SIPA1L3: variants seen among roughly 807,000 people sequenced by gnomAD.
SIPA1L3 encodes signal-induced proliferation-associated 1-like protein 3.
In SIPA1L3, 59 loss-of-function variants were observed where a neutral mutation model predicts 150.1. The ratio of observed to expected loss-of-function variants is 0.39; its 90% CI spans 0.32 to 0.49. The LOEUF (loss-of-function observed/expected upper bound fraction) is 0.49. SIPA1L3 is among the 20% of genes least tolerant of loss of function. The pLI, the probability that SIPA1L3 is intolerant of heterozygous loss-of-function variation, is 0.86. For synonymous variants in SIPA1L3, 1,070 were observed against 1,077.6 expected, an observed-to-expected ratio of 0.99 and a Z score of 0.14; for missense variants, 2,211 against 2,489.5, an observed-to-expected ratio of 0.89 and a Z score of 2.38.
rs760810116 is a variant in SIPA1L3 at position 38,141,346 on chromosome 19, C to G, written c.3306C>G (p.Thr1102=). 6.2e-7 allele frequency: 1 copy of G among 1,614,016 alleles called. No individual in the cohort carries two copies. Among genetic ancestry groups the G allele is most frequent in the South Asian group, 1.1e-5 (1 of 91,086 alleles). The part of the protein sequence containing the change: ...SLPASKWATP[T]TPGHAQSLSR... The stretch of plus-strand genomic sequence containing the variant: ...CAGCCTCCAAGTGGGCCACTCCAAC[C>G]ACTCCCGGCCATGCCCAGTCCCTGA... Residue 1102 remains threonine, a synonymous_variant, in exon 11 of 22, where the codon ACC becomes ACG. Transcript: ENST00000222345.
intron 1 of SIPA1L3, among the ~76,000 whole-genome samples, chr19:37,970,044 A>C (rs542504063): frequency 2.3e-3 from 356 of 152,336 alleles, no homozygotes; most frequent in Non-Finnish European, 4.4e-3. Flanking sequence ...CTAGGTGTGC[A>C]AAACAAAACA....
At chr19:38,100,361 C>T (rs1422322132) in intron 5 of SIPA1L3, among the ~76,000 whole-genome samples, 1 of 152,186 alleles carries the variant, frequency 6.6e-6, no homozygotes, top group Non-Finnish European at 1.5e-5. Context: ...GGGAGATTGT[C>T]TGGGGGTGAG....
chr19:38,205,964 C>T (rs1973200598), intron 21 of SIPA1L3, 133 bp from the exon 22 acceptor site: 1 of 1,053,816 alleles, frequency 9.5e-7, no homozygotes, highest in Admixed American at 3.1e-5. Flanking sequence ...GGATGTGTGC[C>T]CCGGCCTGGC....
intron 12 of SIPA1L3, among the ~76,000 whole-genome samples, chr19:38,145,994 C>G (rs1971697247): frequency 6.6e-6 from 1 of 152,118 alleles, no homozygotes; most frequent in Non-Finnish European, 1.5e-5. Context: ...TTGCAATTAG[C>G]TAGGACTGCA....
At chr19:38,132,368 A>G (rs1205616471) in intron 10 of SIPA1L3, among the ~76,000 whole-genome samples, 4 of 151,754 alleles carry the variant, frequency 2.6e-5, no homozygotes, top group Non-Finnish European at 4.4e-5. Context: ...ACCAGCCTGA[A>G]CCAGGCTGGA....
At chr19:38,008,063 G>A (rs1007181185) in intron 1 of SIPA1L3, among the ~76,000 whole-genome samples, 3 of 152,016 alleles carry the variant, frequency 2.0e-5, no homozygotes, top group African/African-American at 7.2e-5. Context: ...ATGTGAGTGC[G>A]TCTGAAGACT....
At chr19:38,171,038 T>C (rs1480403049) in intron 15 of SIPA1L3, among the ~76,000 whole-genome samples, 1 of 152,148 alleles carries the variant, frequency 6.6e-6, no homozygotes, top group African/African-American at 2.4e-5. Flanking sequence ...ACTATGTATA[T>C]ATACACACAT....
At chr19:37,910,573 G>T (rs1441084369) in intron 1 of SIPA1L3, among the ~76,000 whole-genome samples, 1 of 151,466 alleles carries the variant, frequency 6.6e-6, no homozygotes, top group Admixed American at 6.6e-5. Flanking sequence ...GTACCAGTTT[G>T]TGCATTTGTG....
At chr19:38,178,437 T>G (rs539471266) in intron 15 of SIPA1L3, among the ~76,000 whole-genome samples, 2 of 152,018 alleles carry the variant, frequency 1.3e-5, no homozygotes, top group East Asian at 3.9e-4. Flanking sequence ...CCCGGCCTTG[T>G]GCAGGCTTTT....
intron 1 of SIPA1L3, among the ~76,000 whole-genome samples, chr19:38,022,526 C>T (rs564146996): frequency 1.1e-4 from 16 of 147,698 alleles, no homozygotes; most frequent in Admixed American, 5.4e-4. Context: ...GGTGAAACCC[C>T]GTCTCTACTA....
At chr19:38,139,034 A>C (rs1242863053) in intron 10 of SIPA1L3, among the ~76,000 whole-genome samples, 1 of 151,970 alleles carries the variant, frequency 6.6e-6, no homozygotes, top group East Asian at 1.9e-4. Flanking sequence ...CATCTCTACT[A>C]AAAATACAAA....
chr19:37,954,258 C>T (rs1157784766), intron 1 of SIPA1L3, among the ~76,000 whole-genome samples: 1 of 152,030 alleles, frequency 6.6e-6, no homozygotes, highest in Non-Finnish European at 1.5e-5. Flanking sequence ...CATTCATGAT[C>T]CTACTATGGT....
intron 1 of SIPA1L3, among the ~76,000 whole-genome samples, chr19:37,956,578 G>T (rs1243955672): frequency 6.8e-6 from 1 of 146,562 alleles, no homozygotes; most frequent in Non-Finnish European, 1.5e-5. Context: ...CTGCCTCCCG[G>T]GTTCAAGCAA....
intron 8 of SIPA1L3, among the ~76,000 whole-genome samples, chr19:38,112,282 A>G (rs1404954813): frequency 6.6e-6 from 1 of 151,962 alleles, no homozygotes; most frequent in African/African-American, 2.4e-5. Flanking sequence ...ATATGCACAC[A>G]CATATGCACA....
rs773324455 is a variant in SIPA1L3, at chr19:38,082,883, C to A, written c.1318C>A (p.Arg440Ser). 1.9e-6 allele frequency: 3 copies of A among 1,613,352 alleles called. No homozygotes were observed. Among genetic ancestry groups the A allele is most frequent in the African/African-American group, 2.7e-5 (2 of 74,936 alleles). ...FRNEIGGECE[R>S]NVSFSRASVG... is the part of the protein sequence containing the mutation. ...CAATGAGATCGGGGGCGAGTGTGAG[C>A]GCAACGTGAGCTTCTCCCGGGCTTC... Residue 440 changes from arginine to serine, a missense_variant, in exon 3 of 22, where the codon CGC becomes AGC. Transcript: ENST00000222345.
At chr19:38,010,766 A>T (rs919576875) in intron 1 of SIPA1L3, among the ~76,000 whole-genome samples, 2 of 152,164 alleles carry the variant, frequency 1.3e-5, no homozygotes, top group African/African-American at 4.8e-5. Flanking sequence ...GGCTGCCTGG[A>T]TGGAGCCTCA....
At chr19:37,924,087 A>G (rs2046480275) in intron 1 of SIPA1L3, among the ~76,000 whole-genome samples, 1 of 152,158 alleles carries the variant, frequency 6.6e-6, no homozygotes, top group Non-Finnish European at 1.5e-5. Flanking sequence ...ACTCTTTGGT[A>G]ATACCACTTA....
intron 1 of SIPA1L3, among the ~76,000 whole-genome samples, chr19:37,978,847 G>A (rs1967134394): frequency 6.6e-6 from 1 of 151,744 alleles, no homozygotes; most frequent in Non-Finnish European, 1.5e-5. Context: ...CGGTGGCTCA[G>A]GGCTACAGTC....
intron 1 of SIPA1L3, among the ~76,000 whole-genome samples, chr19:38,000,943 C>T (rs1967784531): frequency 9.2e-6 from 1 of 108,482 alleles, no homozygotes; most frequent in Non-Finnish European, 1.9e-5. Context: ...ACATATATAA[C>T]ATATAACACA....
Sources: allele counts gnomAD v4.1 joint callset (sites outside exome capture counted in the v4.1 genomes callset), GRCh38; gene constraint gnomAD v4.1.1; transcripts MANE v1.5; gene names NCBI Gene and HGNC (gene_info 2026-07-23, HGNC 2026-07-21).